PCDHGA6: variants seen among roughly 807,000 people sequenced by gnomAD.
PCDHGA6 encodes the protein protocadherin gamma-A6.
PCDHGA6 carries 41 observed loss-of-function variants against 60.6 expected under a neutral mutation model. The observed-to-expected ratio is 0.68, with a 90% CI of 0.53 to 0.88. The LOEUF is 0.88. Among genes scored for constraint, PCDHGA6 ranks in the 40% least tolerant of loss-of-function variants. The pLI is 0.00. For missense variants in PCDHGA6, 1,312 were observed against 1,203.0 expected, an observed-to-expected ratio of 1.09 and a Z score of -1.34; for synonymous variants, 594 against 524.4, an observed-to-expected ratio of 1.13 and a Z score of -1.81.
chr5:141,397,816 A>G (rs1403683863), intron 1 of PCDHGA6, among the ~76,000 whole-genome samples: 2 of 152,230 alleles, frequency 1.3e-5, no homozygotes, highest in African/African-American at 4.8e-5. Context: ...CACAAAAACA[A>G]TTACTGCACT....
rs776888332 is a variant in PCDHGA6, at chr5:141,376,270, A to G, written c.2187A>G (p.Gly729=). The change falls in exon 1 of 4, where the codon GGA becomes GGG. Residue 729 remains glycine, a synonymous_variant. Coordinates refer to ENST00000517434, the MANE Select transcript of PCDHGA6 (RefSeq NM_018919.3). ...WHKSRLLQAS[G]GGLASMPGSH... is the part of the protein sequence containing the mutation. ...AGTCACGCCTGCTGCAGGCTTCGGG[A>G]GGTGGCTTAGCGAGCATGCCCGGCT... 6.2e-7 allele frequency: 1 copy of G among 1,614,118 alleles called. No individual in the cohort carries two copies. Among genetic ancestry groups the G allele is most frequent in the African/African-American group, 1.3e-5 (1 of 75,024 alleles).
At position 141,388,323 on chromosome 5, in the gene PCDHGA6, C is replaced by T. The variant is rs534112048; in HGVS notation, c.2424+11816C>T. On this transcript the variant is annotated intron_variant, in intron 1 of 3. Coordinates refer to ENST00000517434, the MANE Select transcript of PCDHGA6 (RefSeq NM_018919.3). ...TGAGCTGCAAATAAGTGAGTCTGCA[C>T]AGCCTGGCACACGATTTATATTAGG... 54 of 1,613,894 alleles carry T rather than the reference C, an allele frequency of 3.3e-5. No individual in the cohort carries two copies. In the East Asian group the frequency reaches 1.2e-3, roughly 35 times the overall value.
At chr5:141,426,678 T>C (rs2096951425) in intron 1 of PCDHGA6, 2 of 431,490 alleles carry the variant, frequency 4.6e-6, no homozygotes, top group Admixed American at 5.1e-5. Flanking sequence ...CCCACCTCAT[T>C]TTCCCCAAAA....
At chr5:141,406,177 A>G (rs929841923) in intron 1 of PCDHGA6, among the ~76,000 whole-genome samples, 2 of 151,308 alleles carry the variant, frequency 1.3e-5, no homozygotes. Flanking sequence ...GGCTTATGCA[A>G]TCCTCCCACC....
intron 1 of PCDHGA6, chr5:141,400,191 A>C (rs781032596): frequency 5.0e-6 from 8 of 1,613,852 alleles, no homozygotes; most frequent in Non-Finnish European, 4.2e-6. Context: ...AGTTTTACCT[A>C]GTGGTGGCCT....
In PCDHGA6 at chr5:141,409,417, G is replaced by A. The variant is rs774453166; in HGVS notation, c.2424+32910G>A. ...CTTCCAATAACTACTACAAACTGGT[G>A]ACAGATGGAGCCCTGGACCGAGAGC... On this transcript the variant is annotated intron_variant, in intron 1 of 3. Transcript: ENST00000517434. The A allele has an allele frequency of 5.6e-6, 9 of 1,613,880 alleles. No individual in the cohort carries two copies. The South Asian group carries it at 8.8e-5, about 16-fold the overall frequency.
chr5:141,422,011 G>T (rs200879435), intron 1 of PCDHGA6: 2 of 1,610,252 alleles, frequency 1.2e-6, no homozygotes, highest in East Asian at 2.2e-5. Flanking sequence ...CGGAACTCGG[G>T]TGCTGATGGT....
At position 141,432,065 on chromosome 5, in the gene PCDHGA6, AC is replaced by A; in HGVS notation, c.2424+55559del. 1.2e-6 allele frequency: 2 copies of A among 1,614,048 alleles called. No homozygotes were observed. The highest frequency in any genetic ancestry group is 1.7e-6 in the Non-Finnish European group (2 of 1,180,006). On this transcript the variant is annotated intron_variant, in intron 1 of 3. Transcript: ENST00000517434. The surrounding 1 kb of genome is among the most constrained non-coding windows in gnomAD (Gnocchi z 6.0). ...GGGAACCCCGCCCCTATCCACGGAA[AC>A]TCATATCTCGCTGAACGTGGCAGAC...
chr5:141,470,825 C>T (rs557419577), intron 1 of PCDHGA6, among the ~76,000 whole-genome samples: 5 of 152,064 alleles, frequency 3.3e-5, no homozygotes, highest in Admixed American at 1.3e-4. Context: ...GTAGTTAGGA[C>T]GACAAACACA....
At position 141,471,055 on chromosome 5, in the gene PCDHGA6, T is replaced by C. The variant is rs1229791864; in HGVS notation, c.2425-23752T>C. Reference sequence around the variant, plus strand: ...AACAAGCCCAAGCCCTCTTTTTTTTTTTTTTTTTTTTGAGACAGGGTCTCC... The same window carrying C: ...AACAAGCCCAAGCCCTCTTTTTTTTCTTTTTTTTTTTGAGACAGGGTCTCC... On this transcript the variant is annotated intron_variant, in intron 1 of 3. Coordinates refer to ENST00000517434, the MANE Select transcript of PCDHGA6 (RefSeq NM_018919.3). Among the ~76,000 whole-genome samples the C allele has an allele frequency of 1.7e-4, 25 of 148,764 alleles. 2 individuals are homozygous for C. The Admixed American group carries it at 1.7e-3, about 10-fold the overall frequency.
At chr5:141,410,668 T>C in intron 1 of PCDHGA6, 2 of 1,565,640 alleles carry the variant, frequency 1.3e-6, no homozygotes, top group African/African-American at 2.7e-5. Context: ...TCTACTAGTT[T>C]CTCATATTTT....
rs1218837884 is a variant in PCDHGA6 at position 141,403,668 on chromosome 5, C to A, written c.2424+27161C>A. On this transcript the variant is annotated intron_variant, in intron 1 of 3. Coordinates refer to ENST00000517434, the MANE Select transcript of PCDHGA6 (RefSeq NM_018919.3). ...ACAGTGTTGGATACAAATGATAATG[C>A]CCCGGTTTTTGCTCAACGGATTTAC... 1.9e-6 allele frequency: 3 copies of A among 1,613,772 alleles called. No individual in the cohort carries two copies. In the African/African-American group the frequency reaches 4.0e-5, roughly 22 times the overall value.
intron 1 of PCDHGA6, chr5:141,419,444 G>A: frequency 6.2e-7 from 1 of 1,613,088 alleles, no homozygotes; most frequent in Non-Finnish European, 8.5e-7. Context: ...GCGCACCTTC[G>A]AGCTCACGCT....
intron 1 of PCDHGA6, among the ~76,000 whole-genome samples, chr5:141,465,347 G>A (rs2099101721): frequency 6.6e-6 from 1 of 151,938 alleles, no homozygotes; most frequent in South Asian, 2.1e-4. Context: ...GGTTACTGAA[G>A]AAAAAATGGG....
In PCDHGA6 at chr5:141,494,027, G is replaced by A. The variant is rs77020157; in HGVS notation, c.2425-780G>A. 1.5e-4 allele frequency among the ~76,000 whole-genome samples: 23 copies of A among 152,298 alleles called. No homozygotes were observed. In the East Asian group the frequency reaches 3.3e-3, roughly 22 times the overall value. ...ACACATCAGCCCCTTGGGAGCCCTGGAGACTTAGTTGGCCCTGCTTGGAGG... is the reference window on the plus strand; with the variant it reads ...ACACATCAGCCCCTTGGGAGCCCTGAAGACTTAGTTGGCCCTGCTTGGAGG... On this transcript the variant is annotated intron_variant, in intron 1 of 3. Coordinates refer to ENST00000517434, the MANE Select transcript of PCDHGA6 (RefSeq NM_018919.3).
intron 1 of PCDHGA6, chr5:141,415,649 A>T: frequency 1.9e-6 from 3 of 1,597,710 alleles, no homozygotes; most frequent in Non-Finnish European, 2.6e-6. Context: ...GTTAAAAAAA[A>T]AAAGATTGGT....
rs771411620 is a variant in PCDHGA6, at chr5:141,485,551, G to A, written c.2425-9256G>A. ...GAGCAGAGGTAGAGATCGTAGATGT[G>A]AATGATCACGCCCCCCGTTTTCCGC... On this transcript the variant is annotated intron_variant, in intron 1 of 3. Transcript: ENST00000517434. This position sits in a 1 kb window ranked among gnomAD's most constrained non-coding sequence, Gnocchi z 5.7. 1.9e-6 allele frequency: 3 copies of A among 1,613,958 alleles called. No individual in the cohort carries two copies. Among genetic ancestry groups the A allele is most frequent in the Admixed American group, 1.7e-5 (1 of 60,006 alleles).
intron 3 of PCDHGA6, among the ~76,000 whole-genome samples, chr5:141,507,772 A>C (rs2099863177): frequency 6.6e-6 from 1 of 152,332 alleles, no homozygotes; most frequent in South Asian, 2.1e-4. Flanking sequence ...TGGCCCACAC[A>C]GGGCCTGACC....
chr5:141,483,903 G>C (rs1167942546), intron 1 of PCDHGA6, among the ~76,000 whole-genome samples: 1 of 151,282 alleles, frequency 6.6e-6, no homozygotes, highest in Admixed American at 6.6e-5. Context: ...GCTCTGGTGT[G>C]TTTCCCACTC....
Sources: allele counts gnomAD v4.1 joint callset (sites outside exome capture counted in the v4.1 genomes callset), GRCh38; gene constraint gnomAD v4.1.1; non-coding constraint Gnocchi (gnomAD v3.1); transcripts MANE v1.5; gene names NCBI Gene and HGNC (gene_info 2026-07-23, HGNC 2026-07-21).